Variants in BLTP1 observed in about 807,000 individuals in gnomAD.
BLTP1 encodes the protein bridge-like lipid transfer protein family member 1.
chr4:122,207,410 T>G, the BLTP1 span: 25 of 1,435,398 alleles, frequency 1.7e-5, no homozygotes, highest in Non-Finnish European at 2.1e-5. Flanking sequence ...GAAGACTGTT[T>G]CAGAGTTTGT....
At chr4:122,219,998 G>A in the BLTP1 span, among the ~76,000 whole-genome samples, 6 of 152,070 alleles carry the variant, frequency 3.9e-5, no homozygotes, top group Non-Finnish European at 7.4e-5. Flanking sequence ...GATCTAGCAC[G>A]GTATCCTGGG....
At chr4:122,336,482 T>C in the BLTP1 span, 5 of 775,530 alleles carry the variant, frequency 6.4e-6, no homozygotes, top group Admixed American at 3.5e-5. Flanking sequence ...AATTATAAAC[T>C]GTAAAAGAAC....
the BLTP1 span, among the ~76,000 whole-genome samples, chr4:122,323,737 T>C: frequency 6.6e-6 from 1 of 152,076 alleles, no homozygotes; most frequent in African/African-American, 2.4e-5. Flanking sequence ...TCATACAATA[T>C]AATTAAAATA....
chr4:122,165,432 A>G, the BLTP1 span, among the ~76,000 whole-genome samples: 4 of 149,606 alleles, frequency 2.7e-5, no homozygotes, highest in Admixed American at 6.8e-5. Context: ...ATAGTATTCC[A>G]TGGTGTATAT....
chr4:122,235,519 ACT>A, the BLTP1 span: 6 of 978,560 alleles, frequency 6.1e-6, no homozygotes, highest in Non-Finnish European at 7.3e-6. Flanking sequence ...CTTTAGCATA[ACT>A]CTGGCCGGGC....
chr4:122,306,061 T>C, the BLTP1 span: 2 of 1,596,814 alleles, frequency 1.3e-6, no homozygotes, highest in African/African-American at 2.7e-5. Flanking sequence ...ATAAAGTCAA[T>C]CACTACTATC....
At chr4:122,264,466 C>T in the BLTP1 span, 9 of 1,514,130 alleles carry the variant, frequency 5.9e-6, no homozygotes, top group South Asian at 6.7e-5. Context: ...AATAATACCT[C>T]CTTAGGCATT....
the BLTP1 span, chr4:122,239,763 A>C: frequency 6.2e-7 from 1 of 1,614,150 alleles, no homozygotes; most frequent in Non-Finnish European, 8.5e-7. Flanking sequence ...GCAGAGGAGA[A>C]GTTTTGGTTC....
chr4:122,279,768 T>C, the BLTP1 span: 3 of 1,610,972 alleles, frequency 1.9e-6, no homozygotes, highest in East Asian at 2.2e-5. Context: ...TCTTTCTCTA[T>C]TGATAGAACT....
the BLTP1 span, chr4:122,245,154 A>G: frequency 6.3e-7 from 1 of 1,598,952 alleles, no homozygotes; most frequent in Non-Finnish European, 8.6e-7. Flanking sequence ...AGAACTTTTT[A>G]ATTCAATGGG....
chr4:122,154,095 C>T, the BLTP1 span: 1 of 979,072 alleles, frequency 1.0e-6, no homozygotes, highest in Admixed American at 6.4e-5. Flanking sequence ...ACGTTGCAAA[C>T]TCTGGAAAAA....
At chr4:122,193,577 CAAA>C in the BLTP1 span, 5 of 566,498 alleles carry the variant, frequency 8.8e-6, no homozygotes, top group African/African-American at 8.2e-5. Flanking sequence ...GAATTTTAAA[CAAA>C]GAAGGGGACA....
chr4:122,184,771 C>T, the BLTP1 span: 1 of 985,140 alleles, frequency 1.0e-6, no homozygotes. Flanking sequence ...CTAAGCCACA[C>T]ATGAGAAACT....
At chr4:122,220,225 TTGAAAAACAAATTCTCTTAATCA>T in the BLTP1 span, 1 of 1,233,580 alleles carries the variant, frequency 8.1e-7, no homozygotes, top group African/African-American at 1.5e-5. Context: ...TTCTCTGTTT[TTGAAAAACAAATTCTCTTAATCA>T]TGACAGATGT....
chr4:122,240,088 T>C, the BLTP1 span: 4 of 1,614,032 alleles, frequency 2.5e-6, no homozygotes, highest in African/African-American at 5.3e-5. Flanking sequence ...GTTTCTGCGT[T>C]AGGTGGAGAA....
chr4:122,187,399 T>G, the BLTP1 span: 1 of 1,608,476 alleles, frequency 6.2e-7, no homozygotes, highest in East Asian at 2.2e-5. Flanking sequence ...TAAGGTTTTC[T>G]TATTCATGTC....
At chr4:122,167,955 A>G in the BLTP1 span, 2 of 931,572 alleles carry the variant, frequency 2.1e-6, no homozygotes, top group Non-Finnish European at 2.6e-6. Context: ...CTCACTATTA[A>G]GGAATTGGTG....
the BLTP1 span, among the ~76,000 whole-genome samples, chr4:122,208,894 G>A: frequency 6.8e-6 from 1 of 148,122 alleles, no homozygotes; most frequent in Non-Finnish European, 1.5e-5. Context: ...ACAAAAAACA[G>A]CACATTCCTC....
At chr4:122,199,473 T>C in the BLTP1 span, 1 of 1,556,782 alleles carries the variant, frequency 6.4e-7, no homozygotes. Flanking sequence ...TACATGATGA[T>C]ATACATACTT....
Sources: allele counts gnomAD v4.1 joint callset (sites outside exome capture counted in the v4.1 genomes callset), GRCh38; gene constraint gnomAD v4.1.1; transcripts MANE v1.5; gene names NCBI Gene and HGNC (gene_info 2026-07-23, HGNC 2026-07-21).